PRKG1: variants seen among roughly 807,000 people sequenced by gnomAD.
PRKG1 encodes the protein cGMP-dependent protein kinase 1.
Under a neutral mutation model 88.1 loss-of-function variants are expected in PRKG1, and 35 were observed. The ratio of observed to expected loss-of-function variants is 0.40; its 90% CI spans 0.30 to 0.53. PRKG1 has a LOEUF of 0.53. Among genes scored for constraint, PRKG1 ranks in the 20% least tolerant of loss-of-function variants. The probability of loss-of-function intolerance (pLI) is 0.59; values close to 1 mark genes in which losing one functional copy is unlikely to be tolerated. For missense variants in PRKG1, 540 were observed against 839.8 expected (o/e 0.64, Z 4.41); for synonymous variants, 303 against 292.5 (o/e 1.04, Z -0.37).
intron 3 of PRKG1, among the ~76,000 whole-genome samples, chr10:51,511,334 G>T (rs983343303): frequency 6.6e-6 from 1 of 152,072 alleles, no homozygotes; most frequent in African/African-American, 2.4e-5. Context: ...TTAAAGGAAA[G>T]ACTGAAACAT....
chr10:51,269,252 G>C (rs1839915779), intron 2 of PRKG1, among the ~76,000 whole-genome samples: 1 of 152,086 alleles, frequency 6.6e-6, no homozygotes, highest in Non-Finnish European at 1.5e-5. Context: ...GTGGTAAAAA[G>C]GGAATACTTT....
chr10:52,091,003 G>C (rs756345748), intron 7 of PRKG1, among the ~76,000 whole-genome samples: 2 of 151,914 alleles, frequency 1.3e-5, no homozygotes, highest in Non-Finnish European at 2.9e-5. Flanking sequence ...CATGAGTTTC[G>C]AGGACTGAAA....
At chr10:51,378,191 GTC>G (rs1245350644) in intron 2 of PRKG1, among the ~76,000 whole-genome samples, 1 of 152,222 alleles carries the variant, frequency 6.6e-6, no homozygotes, top group African/African-American at 2.4e-5. Context: ...GCTGCAAAAA[GTC>G]TGTGTGCTCT....
At chr10:51,672,394 T>G (rs546453249) in intron 3 of PRKG1, among the ~76,000 whole-genome samples, 1 of 152,132 alleles carries the variant, frequency 6.6e-6, no homozygotes, top group Admixed American at 6.5e-5. Flanking sequence ...TAATTCATTT[T>G]TTATAATTTT....
intron 5 of PRKG1, among the ~76,000 whole-genome samples, chr10:51,996,139 C>A (rs2454548): frequency 6.6e-6 from 1 of 151,376 alleles, no homozygotes; most frequent in South Asian, 2.1e-4. Flanking sequence ...GGTGAAACAC[C>A]GTCTCTACTA....
chr10:51,275,402 G>C (rs1840087671), intron 2 of PRKG1, among the ~76,000 whole-genome samples: 1 of 152,194 alleles, frequency 6.6e-6, no homozygotes, highest in African/African-American at 2.4e-5. Flanking sequence ...ACTGAAAGCA[G>C]TGAAATTGGG....
At chr10:52,232,537 G>T (rs913739786) in intron 9 of PRKG1, among the ~76,000 whole-genome samples, 3 of 152,058 alleles carry the variant, frequency 2.0e-5, no homozygotes, top group Non-Finnish European at 4.4e-5. Context: ...TTATAGTTCA[G>T]TAAAAACAGA....
intron 5 of PRKG1, among the ~76,000 whole-genome samples, chr10:52,047,222 G>A (rs911025042): frequency 5.3e-5 from 8 of 152,118 alleles, no homozygotes; most frequent in Non-Finnish European, 1.2e-4. Context: ...TTAGAGGATA[G>A]GAAGGAGAGC....
intron 1 of PRKG1, among the ~76,000 whole-genome samples, chr10:51,061,153 G>A (rs933812248): frequency 6.6e-6 from 1 of 151,586 alleles, no homozygotes; most frequent in Non-Finnish European, 1.5e-5. Flanking sequence ...AAAGGAAAGA[G>A]GTTTAATGGA....
At chr10:51,430,750 G>C (rs1006265867) in intron 2 of PRKG1, among the ~76,000 whole-genome samples, 3 of 152,186 alleles carry the variant, frequency 2.0e-5, no homozygotes, top group Non-Finnish European at 4.4e-5. Context: ...CCATACAATG[G>C]AGTGCTATTT....
At chr10:51,104,194 AAT>A (rs1347811312) in intron 1 of PRKG1, among the ~76,000 whole-genome samples, 3 of 152,196 alleles carry the variant, frequency 2.0e-5, no homozygotes, top group Non-Finnish European at 2.9e-5. Flanking sequence ...TAGCAATATA[AAT>A]ATGTTAGTCA....
At chr10:51,820,304 C>A in intron 4 of PRKG1, among the ~76,000 whole-genome samples, 1 of 152,102 alleles carries the variant, frequency 6.6e-6, no homozygotes, top group East Asian at 1.9e-4. Context: ...CCAAACTCTT[C>A]TTTGTTTTCT....
chr10:51,756,200 A>G lies in PRKG1; in HGVS notation c.593-48385A>G, dbSNP rs1837855518. ...TACAATAATTGTAATAAGTCAGTAG[A>G]GGCTGGGAGCAGTGGCTCAGACCTG... On this transcript the variant is annotated intron_variant, in intron 3 of 17. Transcript: ENST00000373980. Among the ~76,000 whole-genome samples the G allele has an allele frequency of 2.0e-5, 3 of 152,202 alleles. No individual in the cohort carries two copies. In the South Asian group the frequency reaches 6.2e-4, roughly 31 times the overall value.
chr10:51,279,857 C>A (rs1840242207), intron 2 of PRKG1, among the ~76,000 whole-genome samples: 1 of 152,172 alleles, frequency 6.6e-6, no homozygotes, highest in African/African-American at 2.4e-5. Context: ...TTAATTGGAG[C>A]ATTTAGCCCA....
intron 3 of PRKG1, among the ~76,000 whole-genome samples, chr10:51,553,796 TATATA>T (rs1037197078): frequency 8.1e-6 from 1 of 122,772 alleles, no homozygotes; most frequent in African/African-American, 2.8e-5. Flanking sequence ...TAGATACGTG[TATATA>T]ATATATGTAT....
chr10:51,907,706 A>G lies in PRKG1; in HGVS notation c.762+136A>G, dbSNP rs1331450038. 2.2e-5 allele frequency: 14 copies of G among 644,542 alleles called. 1 individual carries two copies. In the East Asian group the frequency reaches 3.9e-4, roughly 18 times the overall value. 39.9% of individuals were successfully genotyped at this position (644,542 alleles called of 1,614,324 possible). A position where few individuals can be genotyped will look rare whatever the true frequency, so the allele number is the denominator to read the frequency against. On this transcript the variant is annotated intron_variant, in intron 5 of 17. Coordinates refer to ENST00000373980, the MANE Select transcript of PRKG1 (RefSeq NM_006258.4). Reference sequence around the variant, plus strand: ...TTCTAAGCTCTGGGATGAGCTATATATTTGGCTTCGTATAGAAAGCAGCTT... The same window carrying G: ...TTCTAAGCTCTGGGATGAGCTATATGTTTGGCTTCGTATAGAAAGCAGCTT...
chr10:52,218,210 CA>C (rs35778588), intron 9 of PRKG1, among the ~76,000 whole-genome samples: 1,861 of 95,210 alleles, frequency 0.02, 28 homozygotes, highest in African/African-American at 0.072. Flanking sequence ...GACTCCATCT[CA>C]AAAAAAAAAA....
At chr10:51,574,143 A>T (rs1300278800) in intron 3 of PRKG1, among the ~76,000 whole-genome samples, 6 of 151,978 alleles carry the variant, frequency 3.9e-5, no homozygotes, top group Non-Finnish European at 4.4e-5. Context: ...TCTGAAATAA[A>T]TGACAAATGC....
chr10:51,325,260 G>GTTTGT (rs776411297), intron 2 of PRKG1, among the ~76,000 whole-genome samples: 1 of 152,026 alleles, frequency 6.6e-6, no homozygotes, highest in Non-Finnish European at 1.5e-5. Flanking sequence ...AATTGTTTGA[G>GTTTGT]TTTGTTTTGT....
Sources: allele counts gnomAD v4.1 joint callset (sites outside exome capture counted in the v4.1 genomes callset), GRCh38; gene constraint gnomAD v4.1.1; transcripts MANE v1.5; gene names NCBI Gene and HGNC (gene_info 2026-07-23, HGNC 2026-07-21).